CENPP: variants seen among roughly 807,000 people sequenced by gnomAD.
The protein encoded by CENPP is centromere protein P.
CENPP carries 24 observed loss-of-function variants against 35.6 expected under a neutral mutation model. The observed-to-expected ratio is 0.67, with a 90% CI of 0.49 to 0.95. The LOEUF (loss-of-function observed/expected upper bound fraction) is 0.95, where lower values mean the gene tolerates loss of function less well. CENPP is among the 40% of genes least tolerant of loss of function. The pLI, the probability that CENPP is intolerant of heterozygous loss-of-function variation, is 0.00. For synonymous variants in CENPP, 120 were observed against 125.5 expected (o/e 0.96, Z 0.29); for missense variants, 332 against 345.3 (o/e 0.96, Z 0.31).
chr9:92,488,812 A>G (rs933575677), intron 5 of CENPP, among the ~76,000 whole-genome samples: 1 of 152,200 alleles, frequency 6.6e-6, no homozygotes, highest in Non-Finnish European at 1.5e-5. Flanking sequence ...ACACACCAGG[A>G]CATTTTAATA....
In CENPP at chr9:92,476,748, G is replaced by T. The variant is rs1291767667; in HGVS notation, c.564+96889G>T. 6.6e-6 allele frequency among the ~76,000 whole-genome samples: 1 copy of T among 152,144 alleles called. No homozygotes were observed. Among genetic ancestry groups the T allele is most frequent in the African/African-American group, 2.4e-5 (1 of 41,424 alleles). ...TGTTATTCTAGACTCATCCCTCATA[G>T]GAAATGAGGCGTAAAGAGCTTAAGT... On this transcript the variant is annotated intron_variant, in intron 5 of 7. Transcript: ENST00000375587. The surrounding 1 kb of genome is among the most constrained non-coding windows in gnomAD (Gnocchi z 4.1).
chr9:92,557,631 C>T (rs1226691479), intron 5 of CENPP, among the ~76,000 whole-genome samples: 1 of 151,984 alleles, frequency 6.6e-6, no homozygotes, highest in African/African-American at 2.4e-5. Context: ...CTTTCCAGAG[C>T]ATTTCGCATT....
At chr9:92,379,714 T>G (rs769828488) in intron 4 of CENPP, 49 bp from the exon 5 acceptor site, 1 of 1,340,646 alleles carries the variant, frequency 7.5e-7, no homozygotes, top group South Asian at 1.2e-5. Context: ...CTAGATTGGG[T>G]CTATCATTTA....
At chr9:92,383,090 G>A (rs1465626829) in intron 5 of CENPP, among the ~76,000 whole-genome samples, 1 of 151,786 alleles carries the variant, frequency 6.6e-6, no homozygotes, top group African/African-American at 2.4e-5. Context: ...TAGAGACAGA[G>A]TTTAACCATG....
At chr9:92,496,331 G>T (rs1846341258) in intron 5 of CENPP, 1 of 1,584,104 alleles carries the variant, frequency 6.3e-7, no homozygotes, top group African/African-American at 1.4e-5. Flanking sequence ...GATGTTTTGT[G>T]GTTTAAGAAC....
chr9:92,540,927 A>T (rs1251187315), intron 5 of CENPP, among the ~76,000 whole-genome samples: 1 of 151,786 alleles, frequency 6.6e-6, no homozygotes, highest in Non-Finnish European at 1.5e-5. Flanking sequence ...ATGAAGGAGA[A>T]AAGATTTAGA....
At chr9:92,457,343 G>A in intron 5 of CENPP, 1 of 1,614,012 alleles carries the variant, frequency 6.2e-7, no homozygotes, top group East Asian at 2.2e-5. Flanking sequence ...ACAACGAAAT[G>A]TTGCAGGTTG....
At chr9:92,600,498 C>G in intron 5 of CENPP, 1 of 1,612,834 alleles carries the variant, frequency 6.2e-7, no homozygotes, top group Non-Finnish European at 8.5e-7. Context: ...CTGCAAAGGT[C>G]TGGAGATGAG....
At chr9:92,545,728 C>G (rs1251082889) in intron 5 of CENPP, among the ~76,000 whole-genome samples, 1 of 152,188 alleles carries the variant, frequency 6.6e-6, no homozygotes, top group Non-Finnish European at 1.5e-5. Context: ...GCTCTTGAGT[C>G]TAGTGGGGAT....
chr9:92,433,004 C>T (rs1844154358), intron 5 of CENPP, among the ~76,000 whole-genome samples: 2 of 152,150 alleles, frequency 1.3e-5, no homozygotes, highest in South Asian at 4.1e-4. Flanking sequence ...TCTTCTTTGA[C>T]TAAATAAAAA....
chr9:92,447,874 G>C (rs978820370), intron 5 of CENPP, among the ~76,000 whole-genome samples: 1 of 152,072 alleles, frequency 6.6e-6, no homozygotes, highest in African/African-American at 2.4e-5. Flanking sequence ...CGAAGGAAAT[G>C]GTTTATGATG....
chr9:92,397,328 G>C (rs1242510959), intron 5 of CENPP, among the ~76,000 whole-genome samples: 1 of 151,900 alleles, frequency 6.6e-6, no homozygotes, highest in African/African-American at 2.4e-5. Context: ...GGTTTTTTTG[G>C]TTTGTTCATT....
At chr9:92,543,926 C>T (rs1278472426) in intron 5 of CENPP, among the ~76,000 whole-genome samples, 2 of 152,094 alleles carry the variant, frequency 1.3e-5, no homozygotes, top group East Asian at 3.9e-4. Context: ...TCAATTCTAG[C>T]AGTTTTTTGG....
intron 5 of CENPP, among the ~76,000 whole-genome samples, chr9:92,608,771 C>T (rs777351244): frequency 6.6e-6 from 1 of 152,216 alleles, no homozygotes; most frequent in Non-Finnish European, 1.5e-5. Context: ...CTAATGTCAG[C>T]GTTTCTACCT....
intron 5 of CENPP, chr9:92,535,898 G>A (rs771536694): frequency 6.6e-6 from 3 of 455,800 alleles, no homozygotes; most frequent in Non-Finnish European, 1.2e-5. Context: ...CATTCCACAT[G>A]CTAAGTAGAA....
chr9:92,574,426 A>G (rs1301203082), intron 5 of CENPP, among the ~76,000 whole-genome samples: 2 of 152,236 alleles, frequency 1.3e-5, no homozygotes, highest in South Asian at 2.1e-4. Flanking sequence ...TTGGATTTCT[A>G]TACACTAACA....
At chr9:92,435,989 T>C (rs1844237380) in intron 5 of CENPP, among the ~76,000 whole-genome samples, 2 of 152,234 alleles carry the variant, frequency 1.3e-5, no homozygotes, top group Non-Finnish European at 2.9e-5. Flanking sequence ...GGCAAACTAT[T>C]TTCCAGAACA....
chr9:92,400,732 C>A (rs1441707866), intron 5 of CENPP, among the ~76,000 whole-genome samples: 1 of 152,166 alleles, frequency 6.6e-6, no homozygotes, highest in Non-Finnish European at 1.5e-5. Flanking sequence ...TGTTTCTGTT[C>A]TGTAAGTTTC....
At chr9:92,469,648 G>A (rs972415096) in intron 5 of CENPP, among the ~76,000 whole-genome samples, 1 of 152,164 alleles carries the variant, frequency 6.6e-6, no homozygotes, top group Non-Finnish European at 1.5e-5. Flanking sequence ...AGCACAGCCT[G>A]AGAGTGTGGG....
Sources: gnomAD v4.1 joint callset for allele counts (sites outside exome capture counted in the v4.1 genomes callset) on GRCh38, gnomAD v4.1.1 for gene constraint, Gnocchi (gnomAD v3.1) non-coding constraint, MANE v1.5 for transcripts, NCBI Gene and HGNC (gene_info 2026-07-23, HGNC 2026-07-21) for gene names.